GRIK1: variants seen among roughly 807,000 people sequenced by gnomAD.
GRIK1 encodes the protein glutamate ionotropic receptor kainate type subunit 1, also known as glutamate receptor ionotropic, kainate 1.
In GRIK1, 69 loss-of-function variants were observed where a neutral mutation model predicts 105.7. The observed-to-expected ratio is 0.65, with a 90% CI of 0.54 to 0.80. The LOEUF is 0.80. Ranked by LOEUF, GRIK1 falls within the 30% of genes least tolerant of loss-of-function variation. The probability of loss-of-function intolerance (pLI) is 0.00; values close to 1 mark genes in which losing one functional copy is unlikely to be tolerated. For synonymous variants in GRIK1, 438 were observed against 431.3 expected (o/e 1.02, Z -0.19); for missense variants, 1,109 against 1,167.3 (o/e 0.95, Z 0.73).
At chr21:29,584,044 A>G (rs112064926) in intron 12 of GRIK1, among the ~76,000 whole-genome samples, 129 of 152,326 alleles carry the variant, frequency 8.5e-4, no homozygotes, top group African/African-American at 3.0e-3. Flanking sequence ...ACTTGCATAT[A>G]GAAGAGTAGC....
chr21:29,847,929 T>A (rs8128326), intron 1 of GRIK1, among the ~76,000 whole-genome samples: 47,510 of 151,444 alleles, frequency 0.31, 8,005 homozygotes, highest in East Asian at 0.46. Flanking sequence ...TCTCTCTCTC[T>A]CACACACACA....
At chr21:29,772,121 T>C (rs963818880) in intron 1 of GRIK1, among the ~76,000 whole-genome samples, 3 of 152,268 alleles carry the variant, frequency 2.0e-5, no homozygotes, top group African/African-American at 7.2e-5. Flanking sequence ...CTGGTTCTTT[T>C]TACAGGCACA....
At chr21:29,581,695 C>A in intron 12 of GRIK1, 152 bp from the exon 13 acceptor site, 1 of 571,928 alleles carries the variant, frequency 1.7e-6, no homozygotes, top group Non-Finnish European at 3.1e-6. Context: ...AAACTTACAG[C>A]TTTGGTGGGC....
intron 7 of GRIK1, among the ~76,000 whole-genome samples, chr21:29,623,282 C>T (rs1420156742): frequency 1.3e-5 from 2 of 152,076 alleles, no homozygotes; most frequent in Non-Finnish European, 2.9e-5. Flanking sequence ...ACAAGAACAG[C>T]ATGGGAAAGA....
chr21:29,851,350 C>T (rs568170551), intron 1 of GRIK1, among the ~76,000 whole-genome samples: 22 of 152,290 alleles, frequency 1.4e-4, no homozygotes, highest in African/African-American at 5.3e-4. Flanking sequence ...CCACATCCCC[C>T]GGCCTAGAAA....
chr21:29,934,615 T>C (rs466476), intron 1 of GRIK1, among the ~76,000 whole-genome samples: 30,561 of 152,146 alleles, frequency 0.2, 3,269 homozygotes, highest in South Asian at 0.31. Flanking sequence ...ACACTTATAC[T>C]GTGTGTACTT....
chr21:29,609,579 C>T (rs867904777), intron 7 of GRIK1, among the ~76,000 whole-genome samples: 2 of 152,298 alleles, frequency 1.3e-5, no homozygotes, highest in Non-Finnish European at 2.9e-5. Flanking sequence ...GGTTGGGCAT[C>T]ATCCAGTCCA....
chr21:29,804,254 A>AT lies in GRIK1; in HGVS notation c.119-110192dup, dbSNP rs1202610698. 2.6e-5 allele frequency among the ~76,000 whole-genome samples: 4 copies of AT among 152,202 alleles called. No homozygotes were observed. In the East Asian group the frequency reaches 7.7e-4, roughly 29 times the overall value. On this transcript the variant is annotated intron_variant, in intron 1 of 17. Coordinates refer to ENST00000327783, the MANE Select transcript of GRIK1 (RefSeq NM_001330994.2). ...AAACATCAACCAAGGCAAGGGAGAA[A>AT]TTTTTTAAGCCAAATTTTCATCAGA...
chr21:29,585,775 A>G (rs1439562005), intron 12 of GRIK1, among the ~76,000 whole-genome samples: 3 of 152,334 alleles, frequency 2.0e-5, no homozygotes, highest in South Asian at 4.1e-4. Flanking sequence ...TATTAACTTC[A>G]CTGAGGAGTC....
At chr21:29,668,913 AG>A (rs1470925800) in intron 4 of GRIK1, among the ~76,000 whole-genome samples, 1 of 152,194 alleles carries the variant, frequency 6.6e-6, no homozygotes, top group African/African-American at 2.4e-5. Context: ...AGGCAGGTTA[AG>A]GAGAGAGCAG....
intron 1 of GRIK1, among the ~76,000 whole-genome samples, chr21:29,920,949 C>T (rs2071171884): frequency 6.6e-6 from 1 of 151,710 alleles, no homozygotes; most frequent in East Asian, 1.9e-4. Context: ...TATTTATTTT[C>T]TTCTGGAGCA....
intron 1 of GRIK1, among the ~76,000 whole-genome samples, chr21:29,732,898 A>G (rs982815740): frequency 5.9e-5 from 9 of 152,228 alleles, no homozygotes; most frequent in Non-Finnish European, 5.9e-5. Context: ...ATCTGTGGTT[A>G]ATTTTCATGA....
chr21:29,609,510 C>T (rs984796582), intron 7 of GRIK1, among the ~76,000 whole-genome samples: 2 of 152,158 alleles, frequency 1.3e-5, no homozygotes, highest in Non-Finnish European at 2.9e-5. Context: ...AGAGTGTTTC[C>T]AGATGAGATG....
At chr21:29,646,152 C>A (rs947495794) in intron 6 of GRIK1, among the ~76,000 whole-genome samples, 1 of 152,132 alleles carries the variant, frequency 6.6e-6, no homozygotes, top group African/African-American at 2.4e-5. Context: ...TTTTTGCTGG[C>A]CTAGGTCTCT....
At position 29,562,696 on chromosome 21, in the gene GRIK1, G is replaced by A. The variant is rs1185157269; in HGVS notation, c.2131-847C>T. The stretch of plus-strand genomic sequence containing the variant: ...AAAAATCTTCATACTGTATTTATAT[G>A]CCTTTTTATGTGTATAATTTTAATT... On this transcript the variant is annotated intron_variant, in intron 14 of 17. Transcript: ENST00000327783. Among the ~76,000 whole-genome samples the A allele has an allele frequency of 3.3e-5, 5 of 151,752 alleles. No homozygotes were observed. The East Asian group carries it at 9.7e-4, about 29-fold the overall frequency.
chr21:29,562,199 G>A (rs1034587917), intron 14 of GRIK1, among the ~76,000 whole-genome samples: 1 of 152,136 alleles, frequency 6.6e-6, no homozygotes. Context: ...CTGTTTCCAG[G>A]TGTATAAGTT....
At chr21:29,850,382 G>A (rs2068266609) in intron 1 of GRIK1, among the ~76,000 whole-genome samples, 1 of 152,028 alleles carries the variant, frequency 6.6e-6, no homozygotes, top group African/African-American at 2.4e-5. Context: ...GTGTGGCTCT[G>A]GGTGTTATCC....
chr21:29,715,259 GGTCA>G (rs1376442969), intron 1 of GRIK1, among the ~76,000 whole-genome samples: 1 of 152,072 alleles, frequency 6.6e-6, no homozygotes, highest in Non-Finnish European at 1.5e-5. Context: ...GACTGCCGGT[GGTCA>G]GTCTGATGAG....
chr21:29,643,289 G>T (rs187671072), intron 6 of GRIK1, among the ~76,000 whole-genome samples: 1 of 152,170 alleles, frequency 6.6e-6, no homozygotes, highest in African/African-American at 2.4e-5. Context: ...ATGGTGTTAA[G>T]ATCAACTACC....
Sources: gnomAD v4.1 joint callset for allele counts (sites outside exome capture counted in the v4.1 genomes callset) on GRCh38, gnomAD v4.1.1 for gene constraint, MANE v1.5 for transcripts, NCBI Gene and HGNC (gene_info 2026-07-23, HGNC 2026-07-21) for gene names.